MROH1: variants seen among roughly 807,000 people sequenced by gnomAD.
The protein encoded by MROH1 is maestro heat like repeat family member 1.
MROH1 carries 117 observed loss-of-function variants against 116.5 expected under a neutral mutation model. That is an observed-to-expected ratio of 1.00 (90% CI 0.86 to 1.17). The LOEUF (loss-of-function observed/expected upper bound fraction) is 1.17. Ranked by LOEUF, MROH1 falls within the 50% of genes most tolerant of loss-of-function variation. The pLI, the probability that MROH1 is intolerant of heterozygous loss-of-function variation, is 0.00. For synonymous variants in MROH1, 921 were observed against 583.9 expected (o/e 1.58, Z -8.32); for missense variants, 1,873 against 1,338.5 (o/e 1.40, Z -6.23).
chr8:144,153,472 C>G (rs1817339641), intron 1 of MROH1, among the ~76,000 whole-genome samples: 5 of 152,324 alleles, frequency 3.3e-5, no homozygotes, highest in African/African-American at 1.2e-4. Context: ...GCTGGGATTA[C>G]AGGTGTGAGC....
chr8:144,172,994 T>C (rs1822884589), intron 4 of MROH1, among the ~76,000 whole-genome samples: 1 of 152,160 alleles, frequency 6.6e-6, no homozygotes, highest in Non-Finnish European at 1.5e-5. Flanking sequence ...GTCAACAGTA[T>C]TTTTATTTAA....
At chr8:144,255,030 C>T in intron 34 of MROH1, 52 bp downstream of exon 34, 1 of 702,796 alleles carries the variant, frequency 1.4e-6, no homozygotes, top group South Asian at 1.5e-5. Context: ...CCCCGCTTGC[C>T]TGGGTGCCCG....
At chr8:144,199,949 G>A (rs763826606) in intron 11 of MROH1, among the ~76,000 whole-genome samples, 7 of 152,200 alleles carry the variant, frequency 4.6e-5, no homozygotes, top group Non-Finnish European at 1.0e-4. Flanking sequence ...GAATGGGGAT[G>A]GCTCTGGTCC....
At chr8:144,231,429 C>T (rs1838866860) in intron 14 of MROH1, among the ~76,000 whole-genome samples, 2 of 152,122 alleles carry the variant, frequency 1.3e-5, no homozygotes, top group South Asian at 4.1e-4. Context: ...GAGAGGTGTG[C>T]GGCTCTTCCT....
At chr8:144,192,865 C>T (rs1054411796) in intron 10 of MROH1, 6 of 328,730 alleles carry the variant, frequency 1.8e-5, no homozygotes, top group African/African-American at 1.1e-4. Flanking sequence ...CTCCCCAGGT[C>T]GGGTGAATGA....
At chr8:144,207,326 T>C (rs1046251227) in intron 12 of MROH1, among the ~76,000 whole-genome samples, 1 of 152,012 alleles carries the variant, frequency 6.6e-6, no homozygotes, top group African/African-American at 2.4e-5. Flanking sequence ...TAGCTAGGAC[T>C]ACAGGCGCTC....
intron 4 of MROH1, among the ~76,000 whole-genome samples, chr8:144,178,137 T>C (rs1824531277): frequency 6.8e-6 from 1 of 147,516 alleles, no homozygotes; most frequent in Admixed American, 6.9e-5. Flanking sequence ...TTTTTGTTTT[T>C]TGTGTTTTTT....
intron 33 of MROH1, among the ~76,000 whole-genome samples, chr8:144,253,169 GGA>G (rs1401803769): frequency 6.6e-6 from 1 of 151,810 alleles, no homozygotes; most frequent in Non-Finnish European, 1.5e-5. Context: ...AAAAAGAAGT[GGA>G]GTCACTGTGG....
At chr8:144,198,196 G>T (rs2131750482) in intron 10 of MROH1, among the ~76,000 whole-genome samples, 1 of 152,318 alleles carries the variant, frequency 6.6e-6, no homozygotes. Context: ...TGGGCCTGGG[G>T]CCTTTGCTGT....
intron 9 of MROH1, 136 bp from the exon 10 acceptor site, chr8:144,192,173 A>G: frequency 1.3e-6 from 1 of 755,228 alleles, no homozygotes; most frequent in Non-Finnish European, 2.1e-6. Flanking sequence ...AGGCCTCCTC[A>G]TTTGAGCCCC....
rs768239267 is a variant in MROH1, at chr8:144,191,827, A to C, written c.827A>C (p.Lys276Thr). Residue 276 changes from lysine to threonine, a missense_variant, in exon 9 of 44, where the codon AAG becomes ACG. Coordinates refer to ENST00000326134, the MANE Select transcript of MROH1 (RefSeq NM_032450.3). Reference protein sequence around the residue: ...LLPGILALYKKHAETFYLSKS... With the variant: ...LLPGILALYKTHAETFYLSKS... The stretch of plus-strand genomic sequence containing the variant: ...CCTGGGATTCTCGCCCTCTACAAGA[A>C]GCACGCAGAGACCTTCTACTTGTCC... 6.2e-6 allele frequency: 10 copies of C among 1,613,408 alleles called. No homozygotes were observed. The Admixed American group carries it at 1.0e-4, about 16-fold the overall frequency.
chr8:144,255,415 T>A, intron 34 of MROH1, 94 bp from the exon 35 acceptor site: 1 of 709,966 alleles, frequency 1.4e-6, no homozygotes, highest in Non-Finnish European at 2.6e-6. Context: ...GAGCACATGA[T>A]GCAGGCGAAG....
intron 10 of MROH1, among the ~76,000 whole-genome samples, chr8:144,193,998 A>G (rs952915614): frequency 2.0e-5 from 3 of 152,140 alleles, no homozygotes; most frequent in African/African-American, 7.2e-5. Flanking sequence ...AGTGCACTTC[A>G]TCACAGTAAT....
intron 1 of MROH1, among the ~76,000 whole-genome samples, chr8:144,157,677 CTT>C (rs1164415639): frequency 4.3e-4 from 51 of 117,920 alleles, no homozygotes; most frequent in African/African-American, 6.3e-4. Flanking sequence ...TTCTTTCTTT[CTT>C]TTTTTTTTTT....
intron 12 of MROH1, among the ~76,000 whole-genome samples, chr8:144,209,027 TTGTGTG>T (rs71320812): frequency 0.026 from 3,617 of 141,674 alleles, 62 homozygotes; most frequent in Admixed American, 0.037. Context: ...CTCGGCCATT[TTGTGTG>T]TGTGTGTGTG....
At chr8:144,176,390 G>T (rs546946509) in intron 4 of MROH1, among the ~76,000 whole-genome samples, 8 of 143,074 alleles carry the variant, frequency 5.6e-5, no homozygotes, top group African/African-American at 2.0e-4. Context: ...AAAAAAATTA[G>T]CTGAGTGTGG....
At chr8:144,208,005 G>A (rs1486219894) in intron 12 of MROH1, among the ~76,000 whole-genome samples, 1 of 151,110 alleles carries the variant, frequency 6.6e-6, no homozygotes, top group South Asian at 2.1e-4. Context: ...GAGTGCAGTG[G>A]TGCGATCTCA....
chr8:144,257,433 C>A (rs1844097451), intron 35 of MROH1, among the ~76,000 whole-genome samples: 1 of 152,138 alleles, frequency 6.6e-6, no homozygotes, highest in African/African-American at 2.4e-5. Context: ...CTGCCGAGAC[C>A]CCCGTGGCCC....
chr8:144,161,833 T>TA (rs989195673), intron 2 of MROH1, among the ~76,000 whole-genome samples: 72 of 152,284 alleles, frequency 4.7e-4, no homozygotes, highest in African/African-American at 1.7e-3. Flanking sequence ...CAGTGCTGGC[T>TA]ACCCGCAGGG....
Sources: allele counts gnomAD v4.1 joint callset (sites outside exome capture counted in the v4.1 genomes callset), GRCh38; gene constraint gnomAD v4.1.1; transcripts MANE v1.5; gene names NCBI Gene and HGNC (gene_info 2026-07-23, HGNC 2026-07-21).